The following GPC5 variants were observed in gnomAD, a reference collection of about 807,000 sequenced individuals.
The protein encoded by GPC5 is glypican-5.
Under a neutral mutation model 53.9 loss-of-function variants are expected in GPC5, and 47 were observed. The observed-to-expected ratio is 0.87, with a 90% CI of 0.69 to 1.11. The LOEUF is 1.11. Among genes scored for constraint, GPC5 ranks in the 50% most tolerant of loss-of-function variants. The pLI, the probability that GPC5 is intolerant of heterozygous loss-of-function variation, is 0.00. For synonymous variants in GPC5, 286 were observed against 263.3 expected (o/e 1.09, Z -0.84); for missense variants, 748 against 713.1 (o/e 1.05, Z -0.56).
chr13:92,755,018 A>T (rs1165791681), intron 7 of GPC5, among the ~76,000 whole-genome samples: 2 of 152,172 alleles, frequency 1.3e-5, no homozygotes, highest in Non-Finnish European at 2.9e-5. Context: ...CCAAATCAAC[A>T]GAATATACAT....
At chr13:92,343,916 C>T (rs1399948772) in intron 7 of GPC5, among the ~76,000 whole-genome samples, 2 of 151,980 alleles carry the variant, frequency 1.3e-5, no homozygotes, top group African/African-American at 2.4e-5. Flanking sequence ...CTATTGTCTT[C>T]TCTGTTTCAT....
chr13:92,241,635 A>T (rs1211490974), intron 7 of GPC5: 1 of 152,144 alleles, frequency 6.6e-6, no homozygotes, highest in East Asian at 1.9e-4. Context: ...TTGAAATGTC[A>T]TTTTATATTC....
chr13:92,576,224 C>G (rs961199914), intron 7 of GPC5, among the ~76,000 whole-genome samples: 1 of 152,146 alleles, frequency 6.6e-6, no homozygotes, highest in African/African-American at 2.4e-5. Flanking sequence ...ATGAAAAGCT[C>G]CTACTATTTC....
intron 6 of GPC5, among the ~76,000 whole-genome samples, chr13:91,928,723 A>C (rs1482593162): frequency 6.6e-6 from 1 of 152,146 alleles, no homozygotes; most frequent in Admixed American, 6.6e-5. Flanking sequence ...GGACTTTCAG[A>C]AATACACACC....
chr13:91,554,997 ATGAC>A (rs1044081496), intron 2 of GPC5, among the ~76,000 whole-genome samples: 4 of 152,110 alleles, frequency 2.6e-5, no homozygotes, highest in Middle Eastern at 6.3e-3. Context: ...TGAGGGAAAA[ATGAC>A]TGAAGAACAG....
chr13:92,070,751 C>G (rs952295620), intron 6 of GPC5, among the ~76,000 whole-genome samples: 1 of 152,082 alleles, frequency 6.6e-6, no homozygotes, highest in Non-Finnish European at 1.5e-5. Flanking sequence ...CTGTCAAATA[C>G]TTTTTCTCTG....
chr13:92,093,882 A>G lies in GPC5; in HGVS notation c.1402-50948A>G, dbSNP rs573512094. Among the ~76,000 whole-genome samples, 5 of 152,340 alleles carry G rather than the reference A, an allele frequency of 3.3e-5. No homozygotes were observed. In the East Asian group the frequency reaches 9.6e-4, roughly 29 times the overall value. On this transcript the variant is annotated intron_variant, in intron 6 of 7. Coordinates refer to ENST00000377067, the MANE Select transcript of GPC5 (RefSeq NM_004466.6). ...AATTAATTTCAGCTATTGGCCATCA[A>G]TTGGTTAGAAAGAATAAGAATGAGT...
intron 2 of GPC5, chr13:91,486,977 G>A (rs531295753): frequency 1.3e-5 from 2 of 152,196 alleles, no homozygotes; most frequent in Admixed American, 1.3e-4. Flanking sequence ...TGTGACTGAT[G>A]TGGGGGCTAG....
chr13:92,001,329 T>A (rs2040552336), intron 6 of GPC5, among the ~76,000 whole-genome samples: 1 of 152,242 alleles, frequency 6.6e-6, no homozygotes, highest in Non-Finnish European at 1.5e-5. Context: ...AATTTTATTA[T>A]GTTTTTTGGC....
chr13:92,495,276 A>G (rs1317141128), intron 7 of GPC5, among the ~76,000 whole-genome samples: 25 of 152,012 alleles, frequency 1.6e-4, no homozygotes, highest in Admixed American at 1.6e-3. Flanking sequence ...GATATTTTGA[A>G]GTTTACTGAA....
intron 3 of GPC5, among the ~76,000 whole-genome samples, chr13:91,707,779 T>C (rs1386249035): frequency 6.6e-6 from 1 of 152,154 alleles, no homozygotes; most frequent in Non-Finnish European, 1.5e-5. Context: ...AGAGCTAGCA[T>C]TTGACCCAGC....
In GPC5 at chr13:92,133,807, A is replaced by G. The variant is rs1227488037; in HGVS notation, c.1402-11023A>G. Among the ~76,000 whole-genome samples the G allele has an allele frequency of 1.3e-5, 2 of 152,162 alleles. 1 individual carries two copies. The highest frequency in any genetic ancestry group is 6.3e-3 in the Middle Eastern group (2 of 316). On this transcript the variant is annotated intron_variant, in intron 6 of 7. Coordinates refer to ENST00000377067, the MANE Select transcript of GPC5 (RefSeq NM_004466.6). ...GCGAAAAGGCAAGGGAAAAAAATCT[A>G]AGTTAAGAACAGAAAATGCTGATTC...
intron 6 of GPC5, among the ~76,000 whole-genome samples, chr13:92,116,108 A>C (rs1375432898): frequency 6.6e-6 from 1 of 152,086 alleles, no homozygotes; most frequent in African/African-American, 2.4e-5. Flanking sequence ...GAAAAAAAAT[A>C]AGTGTGGTGG....
intron 5 of GPC5, among the ~76,000 whole-genome samples, chr13:91,885,860 G>A (rs975768648): frequency 6.6e-6 from 1 of 152,098 alleles, no homozygotes; most frequent in Non-Finnish European, 1.5e-5. Context: ...TTAAAGCAAT[G>A]TTCTATAGTT....
At chr13:91,804,886 C>A (rs1372725900) in intron 5 of GPC5, among the ~76,000 whole-genome samples, 2 of 152,172 alleles carry the variant, frequency 1.3e-5, no homozygotes, top group African/African-American at 4.8e-5. Context: ...AATCTCAATA[C>A]CAGACCTGGC....
intron 7 of GPC5, among the ~76,000 whole-genome samples, chr13:92,854,752 GT>G (rs1194078010): frequency 6.6e-6 from 1 of 151,880 alleles, no homozygotes; most frequent in Non-Finnish European, 1.5e-5. Context: ...TTATGTGTTT[GT>G]TTTTTGAGTC....
chr13:91,521,825 A>G (rs1885831979), intron 2 of GPC5, among the ~76,000 whole-genome samples: 2 of 152,232 alleles, frequency 1.3e-5, no homozygotes, highest in Non-Finnish European at 1.5e-5. Flanking sequence ...CCTCGACTTC[A>G]GATGCCAGTT....
At chr13:91,830,117 C>T (rs1594601876) in intron 5 of GPC5, among the ~76,000 whole-genome samples, 1 of 152,000 alleles carries the variant, frequency 6.6e-6, no homozygotes, top group Non-Finnish European at 1.5e-5. Context: ...CTACAGTCTA[C>T]AGACCATAAA....
chr13:91,463,140 G>C (rs915445567), intron 2 of GPC5, among the ~76,000 whole-genome samples: 3 of 151,970 alleles, frequency 2.0e-5, no homozygotes, highest in Non-Finnish European at 4.4e-5. Context: ...AAATGGCATA[G>C]TATTTGCATA....
Sources: gnomAD v4.1 joint callset for allele counts (sites outside exome capture counted in the v4.1 genomes callset) on GRCh38, gnomAD v4.1.1 for gene constraint, MANE v1.5 for transcripts, NCBI Gene and HGNC (gene_info 2026-07-23, HGNC 2026-07-21) for gene names.